The following KCTD16 variants were observed in gnomAD, a reference collection of about 807,000 sequenced individuals.
KCTD16 encodes the protein potassium channel tetramerization domain containing 16, also known as BTB/POZ domain-containing protein KCTD16.
KCTD16 carries 13 observed loss-of-function variants against 33.2 expected under a neutral mutation model. The ratio of observed to expected loss-of-function variants is 0.39; its 90% CI spans 0.25 to 0.62. The LOEUF is 0.62. Ranked by LOEUF, KCTD16 falls within the 20% of genes least tolerant of loss-of-function variation. KCTD16 has a pLI of 0.50. For synonymous variants in KCTD16, 197 were observed against 195.3 expected (o/e 1.01, Z -0.07); for missense variants, 441 against 525.1 (o/e 0.84, Z 1.57).
intron 2 of KCTD16, among the ~76,000 whole-genome samples, chr5:144,181,147 A>G (rs1484789478): frequency 6.6e-6 from 1 of 151,706 alleles, no homozygotes; most frequent in East Asian, 1.9e-4. Flanking sequence ...GTTAGCCAGG[A>G]TGGTCTCGAT....
rs183444375 is a variant in KCTD16 at position 144,251,322 on chromosome 5, C to T, written c.832+43776C>T. 4.6e-3 allele frequency among the ~76,000 whole-genome samples: 702 copies of T among 152,278 alleles called. 2 individuals are homozygous for T. Among genetic ancestry groups the T allele is most frequent in the Non-Finnish European group, 7.9e-3 (539 of 68,014 alleles). Reference sequence around the variant, plus strand: ...TCTCACTCAGCTCCACTATTTACTGCTACATAACCTTGGGCAAATTATGTA... The same window carrying T: ...TCTCACTCAGCTCCACTATTTACTGTTACATAACCTTGGGCAAATTATGTA... On this transcript the variant is annotated intron_variant, in intron 3 of 3. Transcript: ENST00000512467.
rs1044481961 is a variant in KCTD16, at chr5:144,225,848, A to G, written c.832+18302A>G. On this transcript the variant is annotated intron_variant, in intron 3 of 3. Transcript: ENST00000512467. ...TTTGGGGAGAGTTATTTGGGAACAT[A>G]ATTTTGTTGTAAGTATTTCATGTTA... Among the ~76,000 whole-genome samples, 3 of 152,172 alleles carry G rather than the reference A, an allele frequency of 2.0e-5. No individual in the cohort carries two copies. The South Asian group carries it at 6.2e-4, about 32-fold the overall frequency.
At chr5:144,420,679 GCATCATGTATAGGTGCATATATGTGGCT>G (rs1233463020) in intron 3 of KCTD16, among the ~76,000 whole-genome samples, 11 of 152,032 alleles carry the variant, frequency 7.2e-5, no homozygotes, top group Non-Finnish European at 1.3e-4. Flanking sequence ...AGGGTCTAAT[GCATCATGTATAGGTGCATATATGTGGCT>G]CAACCCTTTG....
chr5:144,255,375 G>A (rs1189086931), intron 3 of KCTD16, among the ~76,000 whole-genome samples: 2 of 151,914 alleles, frequency 1.3e-5, no homozygotes, highest in South Asian at 2.1e-4. Context: ...TTATCATATG[G>A]TGGTTCTTTA....
At chr5:144,248,299 C>T (rs1403277201) in intron 3 of KCTD16, among the ~76,000 whole-genome samples, 1 of 152,124 alleles carries the variant, frequency 6.6e-6, no homozygotes, top group Non-Finnish European at 1.5e-5. Flanking sequence ...TTATGGATAT[C>T]TGGAGAATGT....
intron 3 of KCTD16, among the ~76,000 whole-genome samples, chr5:144,420,896 G>A (rs1034028989): frequency 6.6e-6 from 1 of 152,104 alleles, no homozygotes; most frequent in African/African-American, 2.4e-5. Context: ...ATTGCCCTCC[G>A]AATGTGAATT....
chr5:144,256,938 C>T (rs1347478645), intron 3 of KCTD16, among the ~76,000 whole-genome samples: 5 of 152,128 alleles, frequency 3.3e-5, no homozygotes, highest in African/African-American at 1.2e-4. Context: ...TAAAAATCTC[C>T]ACCCCTTAAC....
At chr5:144,393,750 G>A (rs369572951) in intron 3 of KCTD16, among the ~76,000 whole-genome samples, 30 of 152,220 alleles carry the variant, frequency 2.0e-4, no homozygotes, top group Middle Eastern at 3.4e-3. Context: ...ATGACTTGTA[G>A]GTTGCAGGAA....
chr5:144,356,216 T>C (rs1427389419), intron 3 of KCTD16, among the ~76,000 whole-genome samples: 2 of 152,160 alleles, frequency 1.3e-5, no homozygotes, highest in African/African-American at 4.8e-5. Flanking sequence ...TATTTTAGCT[T>C]TTATACCTTT....
intron 3 of KCTD16, among the ~76,000 whole-genome samples, chr5:144,431,898 G>A (rs192927661): frequency 6.6e-6 from 1 of 152,206 alleles, no homozygotes. Flanking sequence ...AAAAAGTAAT[G>A]GAAAATGTTA....
chr5:144,221,101 T>C (rs1753735214), intron 3 of KCTD16, among the ~76,000 whole-genome samples: 1 of 152,208 alleles, frequency 6.6e-6, no homozygotes, highest in Admixed American at 6.5e-5. Context: ...GGTAGATCTA[T>C]GTAACTGCAT....
At chr5:144,402,954 G>A (rs1752735321) in intron 3 of KCTD16, among the ~76,000 whole-genome samples, 1 of 152,124 alleles carries the variant, frequency 6.6e-6, no homozygotes, top group Non-Finnish European at 1.5e-5. Flanking sequence ...ATTTTTTCTG[G>A]AGACTCCAGA....
At position 144,462,844 on chromosome 5, in the gene KCTD16, G is replaced by A. The variant is rs1250551311; in HGVS notation, c.833-10816G>A. Among the ~76,000 whole-genome samples, 4 of 152,142 alleles carry A rather than the reference G, an allele frequency of 2.6e-5. No individual in the cohort carries two copies. In the East Asian group the frequency reaches 7.7e-4, roughly 29 times the overall value. On this transcript the variant is annotated intron_variant, in intron 3 of 3. Coordinates refer to ENST00000512467, the MANE Select transcript of KCTD16 (RefSeq NM_020768.4). ...TGAATATATCTGTTAACACTCGAAA[G>A]CCTGTGTTAAGTGAATAAACCATGG...
intron 3 of KCTD16, among the ~76,000 whole-genome samples, chr5:144,363,985 A>G (rs1751775873): frequency 6.6e-6 from 1 of 151,688 alleles, no homozygotes; most frequent in African/African-American, 2.4e-5. Context: ...ATTTTATTCA[A>G]TTCAGTTTTT....
At chr5:144,229,502 A>G (rs146468058) in intron 3 of KCTD16, among the ~76,000 whole-genome samples, 1 of 152,222 alleles carries the variant, frequency 6.6e-6, no homozygotes. Context: ...GTTAGGAGTT[A>G]GGAGTACTCA....
At chr5:144,392,595 C>T (rs1309021647) in intron 3 of KCTD16, among the ~76,000 whole-genome samples, 3 of 152,158 alleles carry the variant, frequency 2.0e-5, no homozygotes, top group Non-Finnish European at 4.4e-5. Context: ...TGGATGGCTG[C>T]GGTTGGCCTT....
At chr5:144,326,838 A>C (rs977803926) in intron 3 of KCTD16, among the ~76,000 whole-genome samples, 2 of 152,184 alleles carry the variant, frequency 1.3e-5, no homozygotes, top group Non-Finnish European at 2.9e-5. Context: ...TCAGTAATGA[A>C]AGACTCTTCC....
chr5:144,281,435 G>A (rs1755606871), intron 3 of KCTD16, among the ~76,000 whole-genome samples: 2 of 152,062 alleles, frequency 1.3e-5, no homozygotes, highest in Admixed American at 1.3e-4. Flanking sequence ...CTTTCTTCCA[G>A]ATTTTTCTTT....
Position 144,478,508 on chromosome 5 carries a change from C to T in KCTD16, c.*4394C>T, listed in dbSNP as rs1190479672. ...AACTTTTTAATAGTGTTTTTTAATA[C>T]TCAGTATGCACAAAAATCATGTGTA... is the stretch of plus-strand genomic sequence containing the variant. On this transcript the variant is annotated 3_prime_UTR_variant, in exon 4 of 4. Transcript: ENST00000512467. The T allele has an allele frequency of 4.6e-5, 7 of 151,926 alleles. No individual in the cohort carries two copies. Among genetic ancestry groups the T allele is most frequent in the Admixed American group, 3.3e-4 (5 of 15,240 alleles). 9.4% of individuals were successfully genotyped at this position (151,926 alleles called of 1,614,324 possible).
Sources: gnomAD v4.1 joint callset for allele counts (sites outside exome capture counted in the v4.1 genomes callset) on GRCh38, gnomAD v4.1.1 for gene constraint, MANE v1.5 for transcripts, NCBI Gene and HGNC (gene_info 2026-07-23, HGNC 2026-07-21) for gene names.